Variants in AKAP17A observed in about 807,000 individuals in gnomAD.
AKAP17A encodes the protein A-kinase anchor protein 17A.
Under a neutral mutation model 52.2 loss-of-function variants are expected in AKAP17A, and 15 were observed. That is an observed-to-expected ratio of 0.29 (90% confidence interval 0.19 to 0.44). The LOEUF is 0.44. Among genes scored for constraint, AKAP17A ranks in the 20% least tolerant of loss-of-function variants. AKAP17A has a pLI of 1.00. For synonymous variants in AKAP17A, 514 were observed against 424.7 expected, an observed-to-expected ratio of 1.21 and a Z score of -2.58; for missense variants, 1,060 against 1,007.0, an observed-to-expected ratio of 1.05 and a Z score of -0.71.
chrX:1,598,782 C>A (rs1253935445), intron 3 of AKAP17A, among the ~76,000 whole-genome samples: 1 of 152,186 alleles, frequency 6.6e-6, no homozygotes, highest in Non-Finnish European at 1.5e-5. Context: ...AGTCACCCAG[C>A]GCGGTTCCTG....
At position 1,593,949 on chromosome X, in the gene AKAP17A, G is replaced by C; in HGVS notation, c.487G>C (p.Glu163Gln). 1 of 1,607,142 alleles carries C rather than the reference G, an allele frequency of 6.2e-7. No individual in the cohort carries two copies. The highest frequency in any genetic ancestry group is 8.5e-7 in the Non-Finnish European group (1 of 1,175,904). Reference protein sequence around the residue: ...GLPCKWFALKESGSEKPSEDV... With the variant: ...GLPCKWFALKQSGSEKPSEDV... ...GCCCTGCAAGTGGTTCGCCCTGAAG[G>C]AGTCGGGCTCCGAGAAGCCCAGCGA... Residue 163 changes from glutamate (E) to glutamine (Q), a missense_variant, in exon 2 of 5, where the codon GAG becomes CAG. Physicochemically the swap from Glu to Gln is conservative, Grantham distance 29. This residue lies in a region of AKAP17A where 267 missense variants were observed against 377.1 expected (regional missense o/e 0.71). Transcript: ENST00000313871.
At chrX:1,591,951 G>A (rs1364352835) in intron 1 of AKAP17A, among the ~76,000 whole-genome samples, 182 bp downstream of exon 1, 1 of 131,852 alleles carries the variant, frequency 7.6e-6, no homozygotes, top group Non-Finnish European at 1.6e-5. Context: ...CTGTACGGGG[G>A]AATCGGGGGC....
intron 2 of AKAP17A, 47 bp from the exon 3 acceptor site, chrX:1,595,337 G>C: frequency 1.2e-6 from 2 of 1,610,618 alleles, no homozygotes; most frequent in Admixed American, 1.7e-5. Context: ...CCGTGTGTCT[G>C]GGGGGTTTTG....
At chrX:1,598,937 G>C (rs1393202052) in intron 3 of AKAP17A, among the ~76,000 whole-genome samples, 1 of 152,180 alleles carries the variant, frequency 6.6e-6, no homozygotes, top group African/African-American at 2.4e-5. Context: ...TCCAGTGGTC[G>C]TTTTCTTCGT....
chrX:1,595,032 A>C (rs1408728595), intron 2 of AKAP17A, among the ~76,000 whole-genome samples: 8 of 152,104 alleles, frequency 5.3e-5, no homozygotes, highest in Non-Finnish European at 1.0e-4. Flanking sequence ...CTGCTCAGTG[A>C]CTGTGGCCAC....
chrX:1,594,170 G>A lies in AKAP17A; in HGVS notation c.708G>A (p.Gly236=). 1 of 1,594,510 alleles carries A rather than the reference G, an allele frequency of 6.3e-7. No homozygotes were observed. The highest frequency in any genetic ancestry group is 1.7e-4 in the Middle Eastern group (1 of 5,936). ...GFIQAMSALR[G]MKLMYKGEDG... is the part of the protein sequence containing the mutation. The stretch of plus-strand genomic sequence containing the variant: ...TCCAGGCCATGAGCGCCCTGCGCGG[G>A]ATGAAACTCATGTACAAGGGCGAGG... The change falls in exon 2 of 5, where the codon GGG becomes GGA. Residue 236 remains glycine, a synonymous_variant. Transcript: ENST00000313871.
intron 3 of AKAP17A, among the ~76,000 whole-genome samples, chrX:1,598,701 G>C (rs1271671061): frequency 6.6e-6 from 1 of 152,140 alleles, no homozygotes; most frequent in Admixed American, 6.6e-5. Flanking sequence ...GCTGTGGTTG[G>C]ATTTGTTTAG....
In AKAP17A at chrX:1,599,374, T is replaced by C; in HGVS notation, c.1094T>C (p.Leu365Pro). The C allele has an allele frequency of 1.3e-6, 2 of 1,584,988 alleles. No individual in the cohort carries two copies. The highest frequency in any genetic ancestry group is 1.7e-6 in the Non-Finnish European group (2 of 1,166,804). Residue 365 changes from leucine (L) to proline (P), a missense_variant, in exon 4 of 5, where the codon CTG (leucine) becomes CCG (proline). By Grantham distance (98) the Leu-to-Pro change is moderately conservative. Around this residue, in one of 2 missense-constraint regions of AKAP17A, gnomAD observed 793 missense variants for 629.9 expected, o/e 1.26. Coordinates refer to ENST00000313871, the MANE Select transcript of AKAP17A (RefSeq NM_005088.3). ...AAGCTGGAGGAGCGCAAGCTGCTGC[T>C]GGCCCAGAGGAACCTGCAGTCCATC... ...KIKLEERKLLLAQRNLQSIRL... is the reference protein window; with the variant it reads ...KIKLEERKLLPAQRNLQSIRL...
At position 1,599,366 on chromosome X, in the gene AKAP17A, G is replaced by A. The variant is rs773051341; in HGVS notation, c.1086G>A (p.Lys362=). 1.3e-6 allele frequency: 2 copies of A among 1,587,218 alleles called. No individual in the cohort carries two copies. The highest frequency in any genetic ancestry group is 1.7e-6 in the Non-Finnish European group (2 of 1,167,946). The change falls in exon 4 of 5, where the codon AAG becomes AAA. Residue 362 remains lysine, a synonymous_variant. Transcript: ENST00000313871. The part of the protein sequence containing the change: ...LQEKIKLEER[K]LLLAQRNLQS... ...AGAAGATCAAGCTGGAGGAGCGCAA[G>A]CTGCTGCTGGCCCAGAGGAACCTGC...
chrX:1,595,182 A>G (rs1445410310), intron 2 of AKAP17A, among the ~76,000 whole-genome samples: 1 of 151,536 alleles, frequency 6.6e-6, no homozygotes, highest in African/African-American at 2.4e-5. Context: ...GTCTTGAGCC[A>G]CTGATGGTGA....
rs747992297 is a variant in AKAP17A at position 1,593,561 on chromosome X, C to T, written c.99C>T (p.Ser33=). The change falls in exon 2 of 5, where the codon AGC becomes AGT. Residue 33 remains serine, a synonymous_variant. Transcript: ENST00000313871. ...YLKPITKMTI[S]VALPQLKQPG... ...AGCCCATCACCAAGATGACCATCAG[C>T]GTGGCACTCCCGCAGCTGAAGCAGC... The T allele has an allele frequency of 2.2e-5, 36 of 1,613,620 alleles. No individual in the cohort carries two copies. The highest frequency in any genetic ancestry group is 5.5e-5 in the South Asian group (5 of 91,084).
chrX:1,596,970 C>G (rs1278233079), intron 3 of AKAP17A, among the ~76,000 whole-genome samples: 3 of 152,182 alleles, frequency 2.0e-5, no homozygotes, highest in African/African-American at 7.2e-5. Flanking sequence ...GCTGTGTCCT[C>G]TGACGACTTT....
rs1263978289 is a variant in AKAP17A, at chrX:1,601,600, G to A, written c.*6G>A. The A allele has an allele frequency of 2.1e-6, 3 of 1,419,342 alleles. No individual in the cohort carries two copies. The highest frequency in any genetic ancestry group is 3.0e-5 in the Admixed American group (1 of 33,262). 87.9% of individuals were successfully genotyped at this position (1,419,342 alleles called of 1,614,324 possible). ...GCAGTACCTGGAACAGGTAATGACGGGCACGGCCTCCCCACGGCCTGTCCG... is the reference window on the plus strand; with the variant it reads ...GCAGTACCTGGAACAGGTAATGACGAGCACGGCCTCCCCACGGCCTGTCCG... On this transcript the variant is annotated 3_prime_UTR_variant, in exon 5 of 5. Transcript: ENST00000313871.
intron 3 of AKAP17A, among the ~76,000 whole-genome samples, chrX:1,596,074 C>T (rs1280058230): frequency 2.0e-5 from 3 of 152,038 alleles, no homozygotes; most frequent in Admixed American, 6.6e-5. Context: ...CCCAGGACCG[C>T]GCCTTGCCCG....
chrX:1,597,342 GGGGGCCCATGTCA>G (rs1188179954), intron 3 of AKAP17A, among the ~76,000 whole-genome samples: 1 of 152,226 alleles, frequency 6.6e-6, no homozygotes, highest in Non-Finnish European at 1.5e-5. Context: ...AATGTGCTGG[GGGGGCCCATGTCA>G]GCCGTCAGGA....
chrX:1,596,492 C>T (rs186995584), intron 3 of AKAP17A, among the ~76,000 whole-genome samples: 6,579 of 32,230 alleles, frequency 0.2, 329 homozygotes, highest in African/African-American at 0.3. Context: ...TCCTCCTCCT[C>T]CTCCATCCCT....
At chrX:1,599,659 G>A (rs1170112291) in intron 4 of AKAP17A, 1 of 715,214 alleles carries the variant, frequency 1.4e-6, no homozygotes, top group Non-Finnish European at 2.4e-6. Flanking sequence ...CAAAGCTGGT[G>A]CATTCAGGTT....
rs1236862176 is a variant in AKAP17A, at chrX:1,601,123, G to A, written c.1617G>A (p.Glu539=). Residue 539 remains glutamate, a synonymous_variant, in exon 5 of 5, where the codon GAG becomes GAA. Transcript: ENST00000313871. ...CRVVPEDGSP[E]KRCPGGVLSC... Reference sequence around the variant, plus strand: ...TGGTCCCCGAGGATGGCTCTCCAGAGAAGAGGTGCCCGGGCGGCGTCCTCT... The same window carrying A: ...TGGTCCCCGAGGATGGCTCTCCAGAAAAGAGGTGCCCGGGCGGCGTCCTCT... 1.2e-6 allele frequency: 2 copies of A among 1,613,902 alleles called. No individual in the cohort carries two copies. The highest frequency in any genetic ancestry group is 3.3e-5 in the Admixed American group (2 of 60,022).
intron 2 of AKAP17A, 61 bp from the exon 3 acceptor site, chrX:1,595,323 C>T: frequency 1.2e-6 from 2 of 1,606,446 alleles, no homozygotes; most frequent in Non-Finnish European, 1.7e-6. Context: ...GAGAGGGCGC[C>T]TGGCCGTGTG....
Sources: allele counts gnomAD v4.1 joint callset (sites outside exome capture counted in the v4.1 genomes callset), GRCh38; gene constraint gnomAD v4.1.1; regional missense constraint gnomAD v4.1.1; transcripts MANE v1.5; gene names NCBI Gene and HGNC (gene_info 2026-07-23, HGNC 2026-07-21).